NCKAP5: variants seen among roughly 807,000 people sequenced by gnomAD.
NCKAP5 encodes the protein nck-associated protein 5.
In NCKAP5, 92 loss-of-function variants were observed where a neutral mutation model predicts 167.0. That is an observed-to-expected ratio of 0.55 (90% confidence interval 0.47 to 0.66). The LOEUF (loss-of-function observed/expected upper bound fraction) is 0.66. NCKAP5 is among the 30% of genes least tolerant of loss of function. The pLI, the probability that NCKAP5 is intolerant of heterozygous loss-of-function variation, is 0.00. For missense variants in NCKAP5, 2,378 were observed against 2,315.0 expected (o/e 1.03, Z -0.56); for synonymous variants, 891 against 877.4 (o/e 1.02, Z -0.27).
In NCKAP5 at chr2:133,183,447, AT is replaced by A. The variant is rs568626813; in HGVS notation, c.207+30268del. Among the ~76,000 whole-genome samples, 11 of 152,308 alleles carry A rather than the reference AT, an allele frequency of 7.2e-5. No individual in the cohort carries two copies. The East Asian group carries it at 1.9e-3, about 27-fold the overall frequency. On this transcript the variant is annotated intron_variant, in intron 5 of 19. Coordinates refer to ENST00000409261, the MANE Select transcript of NCKAP5 (RefSeq NM_207363.3). ...CAGAGGGACATGAGAATGGAAAAAA[AT>A]ATCCATCTTATCAACAGTCTAAAAA...
chr2:132,811,098 C>T (rs1199599505), intron 11 of NCKAP5, among the ~76,000 whole-genome samples: 2 of 152,148 alleles, frequency 1.3e-5, no homozygotes, highest in Non-Finnish European at 2.9e-5. Context: ...GGGTTGTCTG[C>T]ACAGAGTCCT....
chr2:132,849,605 G>A (rs182006713), intron 11 of NCKAP5, among the ~76,000 whole-genome samples: 1 of 152,160 alleles, frequency 6.6e-6, no homozygotes, highest in South Asian at 2.1e-4. Flanking sequence ...CTCACAAGAC[G>A]AGAAAGGAAA....
At chr2:133,193,755 A>C (rs1191230244) in intron 5 of NCKAP5, among the ~76,000 whole-genome samples, 1 of 152,104 alleles carries the variant, frequency 6.6e-6, no homozygotes, top group Non-Finnish European at 1.5e-5. Flanking sequence ...AACTACTGTT[A>C]AACTTTAAAC....
At chr2:133,266,126 C>A (rs1301622070) in intron 4 of NCKAP5, 2 of 152,284 alleles carry the variant, frequency 1.3e-5, no homozygotes, top group Non-Finnish European at 2.9e-5. Flanking sequence ...CGTGTGTGCG[C>A]GCCTGTAGAG....
chr2:132,731,789 G>A lies in NCKAP5; in HGVS notation c.5391C>T (p.Thr1797=), dbSNP rs72987798. ...TCTGAAGAGGCCTCATCCCTCTGGCGGTCATGATGGGGTCGGATGTGGAAT... is the reference window on the plus strand; with the variant it reads ...TCTGAAGAGGCCTCATCCCTCTGGCAGTCATGATGGGGTCGGATGTGGAAT... The part of the protein sequence containing the change: ...IVHSTSDPIM[T]ARGMRPLQSR... The change falls in exon 17 of 20, where the codon ACC becomes ACT. Residue 1797 remains threonine (T), a synonymous_variant. Transcript: ENST00000409261. 188 of 1,613,698 alleles carry A rather than the reference G, an allele frequency of 1.2e-4. 1 individual carries two copies. The African/African-American group carries it at 1.4e-3, about 12-fold the overall frequency.
At chr2:132,788,183 C>A (rs1308521341) in intron 13 of NCKAP5, among the ~76,000 whole-genome samples, 1 of 152,216 alleles carries the variant, frequency 6.6e-6, no homozygotes, top group East Asian at 1.9e-4. Flanking sequence ...GCATTTCTCA[C>A]AGGCAGATCC....
chr2:132,793,184 T>C (rs908169999), intron 12 of NCKAP5, among the ~76,000 whole-genome samples: 2 of 152,136 alleles, frequency 1.3e-5, no homozygotes, highest in African/African-American at 4.8e-5. Context: ...TAATTTTGTA[T>C]TTTTAGTAGA....
intron 3 of NCKAP5, among the ~76,000 whole-genome samples, chr2:133,327,286 C>T (rs750197075): frequency 1.5e-4 from 23 of 152,176 alleles, no homozygotes; most frequent in Non-Finnish European, 2.9e-4. Context: ...GTTTCTTTTT[C>T]CCTTTTGTTC....
At chr2:133,102,742 TAA>T (rs1405899143) in intron 6 of NCKAP5, among the ~76,000 whole-genome samples, 2 of 108,520 alleles carry the variant, frequency 1.8e-5, no homozygotes, top group African/African-American at 7.6e-5. Context: ...GACAAGCATG[TAA>T]ACACACACAC....
intron 19 of NCKAP5, among the ~76,000 whole-genome samples, chr2:132,708,929 T>C (rs1688600646): frequency 1.3e-5 from 2 of 152,178 alleles, no homozygotes. Flanking sequence ...TTTCAAGGAA[T>C]GTTAATGCTT....
At chr2:133,418,930 A>G (rs1320655560) in intron 3 of NCKAP5, among the ~76,000 whole-genome samples, 2 of 152,236 alleles carry the variant, frequency 1.3e-5, no homozygotes, top group Admixed American at 6.5e-5. Flanking sequence ...AATGAAAGAA[A>G]AAAAGCCTTC....
chr2:132,994,993 A>G (rs2077552223), intron 6 of NCKAP5, among the ~76,000 whole-genome samples: 4 of 152,158 alleles, frequency 2.6e-5, no homozygotes, highest in Admixed American at 2.6e-4. Flanking sequence ...ATACCATATA[A>G]AAGACTTAAA....
Position 133,152,949 on chromosome 2 carries a change from T to C in NCKAP5, c.208-22838A>G, listed in dbSNP as rs1248040731. On this transcript the variant is annotated intron_variant, in intron 5 of 19. Coordinates refer to ENST00000409261, the MANE Select transcript of NCKAP5 (RefSeq NM_207363.3). Reference sequence around the variant, plus strand: ...CCTAGGTGTATAGTGGAGTAGGCTGTAGCACTAGGTCTGTGTAAGTACACT... The same window carrying C: ...CCTAGGTGTATAGTGGAGTAGGCTGCAGCACTAGGTCTGTGTAAGTACACT... Among the ~76,000 whole-genome samples, 8 of 152,214 alleles carry C rather than the reference T, an allele frequency of 5.3e-5. No homozygotes were observed. In the East Asian group the frequency reaches 5.8e-4, roughly 11 times the overall value.
chr2:132,783,748 A>G lies in NCKAP5; in HGVS notation c.3063T>C (p.Pro1021=), dbSNP rs1683279949. The change falls in exon 14 of 20, where the codon CCT becomes CCC. Residue 1021 remains proline, a synonymous_variant. Coordinates refer to ENST00000409261, the MANE Select transcript of NCKAP5 (RefSeq NM_207363.3). ...TGAAGGAGCTGGAGGGGGCATGAGC[A>G]GGGCATCGGGTTTGAATGACTGCTT... is the stretch of plus-strand genomic sequence containing the variant. ...SPEAVIQTRC[P]AHAPSSSFTV... is the part of the protein sequence containing the mutation. The G allele has an allele frequency of 1.9e-6, 3 of 1,601,170 alleles. No individual in the cohort carries two copies. The East Asian group carries it at 6.7e-5, about 36-fold the overall frequency.
chr2:132,903,286 C>T (rs1693768520), intron 8 of NCKAP5, among the ~76,000 whole-genome samples: 1 of 152,216 alleles, frequency 6.6e-6, no homozygotes, highest in Non-Finnish European at 1.5e-5. Context: ...CCTTGTTTGG[C>T]TAAATGGCTA....
intron 3 of NCKAP5, among the ~76,000 whole-genome samples, chr2:133,351,772 T>C (rs967488123): frequency 2.0e-5 from 3 of 152,028 alleles, no homozygotes; most frequent in African/African-American, 4.8e-5. Flanking sequence ...ATGCCACACA[T>C]TGGATCTCAG....
At chr2:132,714,876 C>A (rs2105346811) in intron 19 of NCKAP5, 1 of 455,920 alleles carries the variant, frequency 2.2e-6, no homozygotes, top group East Asian at 7.0e-5. Context: ...ATGTAAGCTC[C>A]CAGTTATGGG....
chr2:133,294,099 CTT>C (rs1328291512), intron 4 of NCKAP5, among the ~76,000 whole-genome samples: 3 of 152,210 alleles, frequency 2.0e-5, no homozygotes, highest in African/African-American at 4.8e-5. Context: ...TGAGCTCTCT[CTT>C]TGTTTGCTAC....
intron 19 of NCKAP5, among the ~76,000 whole-genome samples, chr2:132,699,722 T>C (rs939508164): frequency 3.3e-5 from 5 of 152,210 alleles, no homozygotes; most frequent in African/African-American, 1.2e-4. Context: ...CTTAATCCAG[T>C]CTATCATTGA....
Sources: gnomAD v4.1 joint callset for allele counts (sites outside exome capture counted in the v4.1 genomes callset) on GRCh38, gnomAD v4.1.1 for gene constraint, MANE v1.5 for transcripts, NCBI Gene and HGNC (gene_info 2026-07-23, HGNC 2026-07-21) for gene names.